The following SLC45A3 variants were observed in gnomAD, a reference collection of about 807,000 sequenced individuals.
SLC45A3 encodes prostate cancer associated protein 2.
A neutral mutation model predicts 35.3 loss-of-function variants in SLC45A3; 17 were observed. That is an observed-to-expected ratio of 0.48 (90% CI 0.33 to 0.72). The LOEUF (loss-of-function observed/expected upper bound fraction) is 0.72. SLC45A3 is among the 30% of genes least tolerant of loss of function. The pLI is 0.02. For missense variants in SLC45A3, 597 were observed against 731.7 expected (o/e 0.82, Z 2.12); for synonymous variants, 288 against 334.3 (o/e 0.86, Z 1.51).
rs890014573 is a variant in SLC45A3 at position 205,664,252 on chromosome 1, A to G, written c.172+233T>C. On this transcript the variant is annotated intron_variant, in intron 2 of 4. Coordinates refer to ENST00000367145, the MANE Select transcript of SLC45A3 (RefSeq NM_033102.3). This position sits in a 1 kb window ranked among gnomAD's most constrained non-coding sequence, Gnocchi z 5.3. Reference sequence around the variant, plus strand: ...TAGGAGCATTTCTCCAGTGTCTCCTATGAGCCAGGCTCTGTGCAGGACCAG... The same window carrying G: ...TAGGAGCATTTCTCCAGTGTCTCCTGTGAGCCAGGCTCTGTGCAGGACCAG... Among the ~76,000 whole-genome samples, 3 of 152,222 alleles carry G rather than the reference A, an allele frequency of 2.0e-5. No individual in the cohort carries two copies. The highest frequency in any genetic ancestry group is 2.1e-4 in the South Asian group (1 of 4,834).
intron 1 of SLC45A3, among the ~76,000 whole-genome samples, chr1:205,678,984 T>A (rs1671355934): frequency 6.6e-6 from 1 of 151,664 alleles, no homozygotes; most frequent in South Asian, 2.1e-4. Flanking sequence ...TTCCCAGGCC[T>A]CGGGCAGGTG....
chr1:205,676,783 C>G (rs1040242853), intron 1 of SLC45A3, among the ~76,000 whole-genome samples: 4 of 152,154 alleles, frequency 2.6e-5, no homozygotes, highest in Admixed American at 2.6e-4. Context: ...CAGCTGCCCC[C>G]CTCCCCAGCC....
intron 1 of SLC45A3, among the ~76,000 whole-genome samples, chr1:205,667,864 G>GC (rs1010241940): frequency 2.0e-5 from 3 of 151,952 alleles, no homozygotes; most frequent in African/African-American, 7.3e-5. Flanking sequence ...AGAGAAGAGT[G>GC]CCCCCCACCA....
intron 4 of SLC45A3, among the ~76,000 whole-genome samples, chr1:205,661,623 C>T (rs543921136): frequency 6.6e-6 from 1 of 152,338 alleles, no homozygotes; most frequent in South Asian, 2.1e-4. Context: ...TTTTGCATTT[C>T]CTGCAATCAT....
At chr1:205,670,393 T>G (rs1671190223) in intron 1 of SLC45A3, among the ~76,000 whole-genome samples, 1 of 152,068 alleles carries the variant, frequency 6.6e-6, no homozygotes, top group Admixed American at 6.5e-5. Flanking sequence ...AGTCTTGCCC[T>G]AGAAAAAAAC....
rs1220521013 is a variant in SLC45A3 at position 205,663,532 on chromosome 1, G to C, written c.259C>G (p.Pro87Ala). The C allele has an allele frequency of 6.2e-7, 1 of 1,612,974 alleles. No homozygotes were observed. Among genetic ancestry groups the C allele is most frequent in the Non-Finnish European group, 8.5e-7 (1 of 1,180,024 alleles). ...CCCAAGGACAGTGCCCAGATGAAGG[G>C]CCGGCGGCGGCCATAGCGTCCACGC... ...HWRGRYGRRR[P>A]FIWALSLGIL... Residue 87 changes from proline to alanine, a missense_variant, in exon 3 of 5, where the codon CCC (proline) becomes GCC (alanine). Transcript: ENST00000367145.
Position 205,664,698 on chromosome 1 carries a change from T to G in SLC45A3, c.-42A>C. Reference sequence around the variant, plus strand: ...AGGGCTCAGGGGGCCGTTCAGGCACTCCAGAACTGCTTCGTCTCGGCTCTG... The same window carrying G: ...AGGGCTCAGGGGGCCGTTCAGGCACGCCAGAACTGCTTCGTCTCGGCTCTG... On this transcript the variant is annotated 5_prime_UTR_variant, in exon 2 of 5. Coordinates refer to ENST00000367145, the MANE Select transcript of SLC45A3 (RefSeq NM_033102.3). The surrounding 1 kb of genome is among the most constrained non-coding windows in gnomAD (Gnocchi z 5.3). The G allele has an allele frequency of 1.9e-6, 3 of 1,599,018 alleles. No individual in the cohort carries two copies. In the East Asian group the frequency reaches 6.7e-5, roughly 36 times the overall value.
At chr1:205,679,356 G>C (rs1388142471) in intron 1 of SLC45A3, among the ~76,000 whole-genome samples, 3 of 152,154 alleles carry the variant, frequency 2.0e-5, no homozygotes, top group Non-Finnish European at 4.4e-5. Context: ...AGCAGGTCAA[G>C]AGTGTCTGTC....
chr1:205,662,198 G>C lies in SLC45A3; in HGVS notation c.959-72C>G. 6.6e-7 allele frequency: 1 copy of C among 1,521,418 alleles called. No homozygotes were observed. Among genetic ancestry groups the C allele is most frequent in the South Asian group, 1.3e-5 (1 of 77,208 alleles). The allele number at this position is 1,521,418 out of a possible 1,614,324, so 94.2% of individuals were successfully genotyped here. A position where few individuals can be genotyped will look rare whatever the true frequency, so the allele number is the denominator to read the frequency against. On this transcript the variant is annotated intron_variant, in intron 3 of 4. Coordinates refer to ENST00000367145, the MANE Select transcript of SLC45A3 (RefSeq NM_033102.3). The surrounding 1 kb of genome is among the most constrained non-coding windows in gnomAD (Gnocchi z 6.2). ...CGGAGCAGTCTCAGGGAGATGAGAA[G>C]GCGGAACCACAGGTACCTGCTGCAC... is the stretch of plus-strand genomic sequence containing the variant.
rs1377261723 is a variant in SLC45A3, at chr1:205,663,310, A to G, written c.481T>C (p.Tyr161His). The G allele has an allele frequency of 1.2e-6, 2 of 1,613,436 alleles. No individual in the cohort carries two copies. The highest frequency in any genetic ancestry group is 2.2e-5 in the South Asian group (2 of 91,084). ...FRDPDHCRQAYSVYAFMISLG... is the reference protein window; with the variant it reads ...FRDPDHCRQAHSVYAFMISLG... ...CTGATCATGAAGGCATAGACAGAGT[A>G]GGCCTGGCGACAGTGGTCCGGGTCC... Residue 161 changes from tyrosine (Y) to histidine (H), a missense_variant, in exon 3 of 5, where the codon TAC becomes CAC. Coordinates refer to ENST00000367145, the MANE Select transcript of SLC45A3 (RefSeq NM_033102.3).
chr1:205,679,004 C>A (rs531775658), intron 1 of SLC45A3, among the ~76,000 whole-genome samples: 2 of 152,264 alleles, frequency 1.3e-5, no homozygotes, highest in African/African-American at 4.8e-5. Flanking sequence ...GAGTCTACAC[C>A]AAGGCGGTCT....
At position 205,663,459 on chromosome 1, in the gene SLC45A3, C is replaced by T. The variant is rs749944670; in HGVS notation, c.332G>A (p.Gly111Glu). 6.2e-7 allele frequency: 1 copy of T among 1,612,904 alleles called. No homozygotes were observed. The highest frequency in any genetic ancestry group is 8.5e-7 in the Non-Finnish European group (1 of 1,179,848). Residue 111 changes from glycine (G) to glutamate (E), a missense_variant, in exon 3 of 5, where the codon GGG (glycine) becomes GAG (glutamate). Transcript: ENST00000367145. ...FLIPRAGWLAGLLCPDPRPLE... is the reference protein window; with the variant it reads ...FLIPRAGWLAELLCPDPRPLE... ...GGGCCTGGGATCCGGGCACAGCAGC[C>T]CTGCTAGCCAGCCGGCCCTTGGGAT...
In SLC45A3 at chr1:205,664,666, G is replaced by C. The variant is rs747412050; in HGVS notation, c.-10C>G. On this transcript the variant is annotated 5_prime_UTR_variant, in exon 2 of 5. Coordinates refer to ENST00000367145, the MANE Select transcript of SLC45A3 (RefSeq NM_033102.3). This position sits in a 1 kb window ranked among gnomAD's most constrained non-coding sequence, Gnocchi z 5.3. ...ACAGCCTCTGGACCATAGTGGGCCA[G>C]GCGGGTAGGGCTCAGGGGGCCGTTC... 2.5e-6 allele frequency: 4 copies of C among 1,613,666 alleles called. No individual in the cohort carries two copies. In the Admixed American group the frequency reaches 5.0e-5, roughly 20 times the overall value.
At chr1:205,665,193 G>A (rs1410845657) in intron 1 of SLC45A3, among the ~76,000 whole-genome samples, 2 of 152,142 alleles carry the variant, frequency 1.3e-5, no homozygotes, top group Non-Finnish European at 2.9e-5. Flanking sequence ...GAGCGGGAGG[G>A]AGCAATCAAA....
At chr1:205,678,986 G>C (rs562631211) in intron 1 of SLC45A3, among the ~76,000 whole-genome samples, 1 of 152,202 alleles carries the variant, frequency 6.6e-6, no homozygotes, top group East Asian at 1.9e-4. Context: ...CCCAGGCCTC[G>C]GGCAGGTGAG....
chr1:205,662,525 A>T lies in SLC45A3; in HGVS notation c.958+308T>A. The stretch of plus-strand genomic sequence containing the variant: ...CAGAGGGCACACTGCGGCTGGAACC[A>T]GGCAGATCTGAAATCCAGCCTTAAC... On this transcript the variant is annotated intron_variant, in intron 3 of 4. Coordinates refer to ENST00000367145, the MANE Select transcript of SLC45A3 (RefSeq NM_033102.3). The surrounding 1 kb of genome is among the most constrained non-coding windows in gnomAD (Gnocchi z 6.2). 7.7e-7 allele frequency: 1 copy of T among 1,293,000 alleles called. No homozygotes were observed. The highest frequency in any genetic ancestry group is 9.8e-7 in the Non-Finnish European group (1 of 1,021,816). 80.1% of individuals were successfully genotyped at this position (1,293,000 alleles called of 1,614,324 possible). A position where few individuals can be genotyped will look rare whatever the true frequency, so the allele number is the denominator to read the frequency against.
At chr1:205,679,025 A>G (rs1303768818) in intron 1 of SLC45A3, among the ~76,000 whole-genome samples, 2 of 152,110 alleles carry the variant, frequency 1.3e-5, no homozygotes, top group Non-Finnish European at 2.9e-5. Context: ...CTGCTCTGAA[A>G]GGAGATCTGC....
intron 1 of SLC45A3, among the ~76,000 whole-genome samples, chr1:205,678,173 C>T (rs1265189708): frequency 6.6e-6 from 1 of 152,034 alleles, no homozygotes; most frequent in East Asian, 1.9e-4. Context: ...AAAAATTAGC[C>T]AGGCATGGTG....
At chr1:205,677,262 G>C (rs142562919) in intron 1 of SLC45A3, among the ~76,000 whole-genome samples, 2 of 152,314 alleles carry the variant, frequency 1.3e-5, no homozygotes, top group African/African-American at 4.8e-5. Flanking sequence ...CAGTCCTGCT[G>C]TGATCTTTGC....
Sources: allele counts gnomAD v4.1 joint callset (sites outside exome capture counted in the v4.1 genomes callset), GRCh38; gene constraint gnomAD v4.1.1; non-coding constraint Gnocchi (gnomAD v3.1); transcripts MANE v1.5; gene names NCBI Gene and HGNC (gene_info 2026-07-23, HGNC 2026-07-21).